The following DTNB variants were observed in gnomAD, a reference collection of about 807,000 sequenced individuals.
DTNB encodes the protein DTN-B.
A neutral mutation model predicts 90.7 loss-of-function variants in DTNB; 63 were observed. That is an observed-to-expected ratio of 0.69 (90% CI 0.57 to 0.86). The LOEUF is 0.86. Among genes scored for constraint, DTNB ranks in the 40% least tolerant of loss-of-function variants. The probability of loss-of-function intolerance (pLI) is 0.00; values close to 1 mark genes in which losing one functional copy is unlikely to be tolerated. For synonymous variants in DTNB, 277 were observed against 286.7 expected, an observed-to-expected ratio of 0.97 and a Z score of 0.34; for missense variants, 744 against 807.1, an observed-to-expected ratio of 0.92 and a Z score of 0.95.
At chr2:25,672,114 TG>T (rs1232417647) in intron 1 of DTNB, among the ~76,000 whole-genome samples, 1 of 142,736 alleles carries the variant, frequency 7.0e-6, no homozygotes, top group Non-Finnish European at 1.5e-5. Flanking sequence ...CATGGGAAAG[TG>T]GTAGCATGGC....
At chr2:25,402,748 G>A (rs563906589) in intron 16 of DTNB, among the ~76,000 whole-genome samples, 1 of 152,310 alleles carries the variant, frequency 6.6e-6, no homozygotes, top group African/African-American at 2.4e-5. Flanking sequence ...GGTAAGACAG[G>A]AAGCAGCTAT....
At chr2:25,589,367 CTTTTTTTTTT>C (rs1169808182) in intron 6 of DTNB, among the ~76,000 whole-genome samples, 72 of 57,542 alleles carry the variant, frequency 1.3e-3, no homozygotes, top group African/African-American at 5.5e-3. Flanking sequence ...TTTTTCTTTT[CTTTTTTTTTT>C]TTTTTTTTTT....
intron 11 of DTNB, among the ~76,000 whole-genome samples, chr2:25,454,678 G>T (rs1574671778): frequency 6.6e-6 from 1 of 152,120 alleles, no homozygotes; most frequent in Admixed American, 6.5e-5. Context: ...TTTAAAAAAA[G>T]GATTAACTTT....
chr2:25,665,594 C>G (rs1241122117), intron 1 of DTNB, among the ~76,000 whole-genome samples: 1 of 151,710 alleles, frequency 6.6e-6, no homozygotes, highest in Non-Finnish European at 1.5e-5. Flanking sequence ...CCACTGCACT[C>G]CAGCCTGGAT....
chr2:25,588,306 C>T (rs560891110), intron 6 of DTNB, among the ~76,000 whole-genome samples: 9 of 152,240 alleles, frequency 5.9e-5, no homozygotes, highest in African/African-American at 1.9e-4. Context: ...TCTGTCCACA[C>T]CTTTCTGCAT....
intron 16 of DTNB, among the ~76,000 whole-genome samples, chr2:25,410,731 TG>T (rs2046374974): frequency 6.6e-6 from 1 of 152,178 alleles, no homozygotes; most frequent in South Asian, 2.1e-4. Context: ...ATTTTGTTAC[TG>T]ACTAGCTGCT....
intron 10 of DTNB, among the ~76,000 whole-genome samples, chr2:25,470,369 A>G (rs1291410019): frequency 7.5e-6 from 1 of 132,780 alleles, no homozygotes; most frequent in African/African-American, 2.8e-5. Context: ...TTACACGACA[A>G]TTTTTTTTTT....
intron 4 of DTNB, among the ~76,000 whole-genome samples, chr2:25,620,782 C>T (rs577087174): frequency 6.6e-6 from 1 of 152,118 alleles, no homozygotes; most frequent in South Asian, 2.1e-4. Flanking sequence ...CTCTGGGCAA[C>T]AAAGCAAAAC....
At chr2:25,415,473 C>G (rs2149763269) in intron 16 of DTNB, among the ~76,000 whole-genome samples, 1 of 152,168 alleles carries the variant, frequency 6.6e-6, no homozygotes, top group African/African-American at 2.4e-5. Context: ...ACCAGAGTTT[C>G]TAAAACCCGT....
chr2:25,466,511 G>C (rs1355091574), intron 10 of DTNB, among the ~76,000 whole-genome samples: 1 of 152,204 alleles, frequency 6.6e-6, no homozygotes. Flanking sequence ...CAAAGGGCAG[G>C]AGTAAACACC....
chr2:25,426,683 A>C (rs1256062558), intron 15 of DTNB: 1 of 152,238 alleles, frequency 6.6e-6, no homozygotes, highest in Non-Finnish European at 1.5e-5. Flanking sequence ...TGCAGATGGC[A>C]TTAACATGAG....
chr2:25,572,399 G>A (rs376105222), intron 8 of DTNB, among the ~76,000 whole-genome samples: 121 of 151,662 alleles, frequency 8.0e-4, no homozygotes, highest in African/African-American at 2.6e-3. Context: ...CCCAGGAGGC[G>A]GAGCTTGCAG....
intron 5 of DTNB, among the ~76,000 whole-genome samples, chr2:25,605,393 C>A (rs1168773831): frequency 6.6e-6 from 1 of 152,168 alleles, no homozygotes; most frequent in African/African-American, 2.4e-5. Context: ...CAATCTTGGT[C>A]ACTTCGTGTT....
intron 6 of DTNB, among the ~76,000 whole-genome samples, chr2:25,582,280 G>C (rs1252069004): frequency 1.3e-5 from 2 of 152,116 alleles, no homozygotes; most frequent in East Asian, 3.8e-4. Context: ...GATGCCATCA[G>C]ACCAACCACC....
chr2:25,438,678 A>C (rs1326765753), intron 12 of DTNB, among the ~76,000 whole-genome samples: 1 of 152,228 alleles, frequency 6.6e-6, no homozygotes, highest in Non-Finnish European at 1.5e-5. Flanking sequence ...AAGGAGGTGA[A>C]GCCTAACTCC....
At chr2:25,503,786 G>A (rs998544310) in intron 9 of DTNB, among the ~76,000 whole-genome samples, 4 of 151,596 alleles carry the variant, frequency 2.6e-5, no homozygotes, top group South Asian at 2.1e-4. Flanking sequence ...GCGTGGTGGC[G>A]GGCACCTGTA....
chr2:25,495,735 C>G (rs893162253), intron 9 of DTNB, among the ~76,000 whole-genome samples: 1 of 152,078 alleles, frequency 6.6e-6, no homozygotes, highest in Non-Finnish European at 1.5e-5. Flanking sequence ...GTTAAACAAA[C>G]AAGCAAAAAC....
rs370819268 is a variant in DTNB at position 25,407,841 on chromosome 2, C to T, written c.1575+11674G>A. ...GGTGCAATGTACACTAGTTGGGTGA[C>T]GGGTGCACCAAAATGTCAGAATTCA... On this transcript the variant is annotated intron_variant, in intron 16 of 20. Coordinates refer to ENST00000406818, the MANE Select transcript of DTNB (RefSeq NM_021907.5). 1.6e-4 allele frequency among the ~76,000 whole-genome samples: 25 copies of T among 152,164 alleles called. No homozygotes were observed. The East Asian group carries it at 4.1e-3, about 25-fold the overall frequency.
intron 8 of DTNB, among the ~76,000 whole-genome samples, chr2:25,568,517 C>A (rs2151267169): frequency 6.6e-6 from 1 of 152,052 alleles, no homozygotes; most frequent in Admixed American, 6.5e-5. Flanking sequence ...AAATACTTTA[C>A]TTAAAAAAAA....
Sources: gnomAD v4.1 joint callset for allele counts (sites outside exome capture counted in the v4.1 genomes callset) on GRCh38, gnomAD v4.1.1 for gene constraint, MANE v1.5 for transcripts, NCBI Gene and HGNC (gene_info 2026-07-23, HGNC 2026-07-21) for gene names.